The following SAMHD1 variants were observed in gnomAD, a reference collection of about 807,000 sequenced individuals.
The protein encoded by SAMHD1 is deoxynucleoside triphosphate triphosphohydrolase SAMHD1.
SAMHD1 carries 54 observed loss-of-function variants against 79.6 expected under a neutral mutation model. The observed-to-expected ratio is 0.68, with a 90% CI of 0.55 to 0.85. SAMHD1 has a LOEUF of 0.85. Among genes scored for constraint, SAMHD1 ranks in the 40% least tolerant of loss-of-function variants. The pLI is 0.00. For missense variants in SAMHD1, 663 were observed against 782.7 expected (o/e 0.85, Z 1.82); for synonymous variants, 260 against 264.1 (o/e 0.98, Z 0.15).
At chr20:36,930,298 C>A (rs191051207) in intron 5 of SAMHD1, among the ~76,000 whole-genome samples, 30 of 151,968 alleles carry the variant, frequency 2.0e-4, no homozygotes, top group African/African-American at 7.2e-4. Context: ...GAGTTCGAGA[C>A]CAGCCTGGCC....
chr20:36,950,354 AT>A (rs2063725640), intron 1 of SAMHD1, among the ~76,000 whole-genome samples: 1 of 152,032 alleles, frequency 6.6e-6, no homozygotes, highest in South Asian at 2.1e-4. Context: ...GAGAAATGCA[AT>A]TTCCCATACC....
At chr20:36,932,352 C>CA (rs71186091) in intron 4 of SAMHD1, among the ~76,000 whole-genome samples, 3,002 of 33,980 alleles carry the variant, frequency 0.088, 195 homozygotes, top group Non-Finnish European at 0.1. Context: ...ACTCCGTCTC[C>CA]AAAAAAAAAA....
intron 5 of SAMHD1, among the ~76,000 whole-genome samples, chr20:36,930,506 A>T (rs2063562134): frequency 1.3e-5 from 2 of 151,894 alleles, no homozygotes; most frequent in African/African-American, 4.8e-5. Context: ...AAAAAAAAAC[A>T]ACAACAAAAA....
chr20:36,904,371 A>C lies in SAMHD1; in HGVS notation c.1411-122T>G, dbSNP rs1601118750. The stretch of plus-strand genomic sequence containing the variant: ...AAAACGATTAGAGATATCCTTAACA[A>C]ATATAGCTCCTACCAATGTCACTCG... On this transcript the variant is annotated intron_variant, in intron 12 of 15. Transcript: ENST00000646673. 2.3e-5 allele frequency: 17 copies of C among 752,454 alleles called. No individual in the cohort carries two copies. The East Asian group carries it at 4.3e-4, about 19-fold the overall frequency. The allele number at this position is 752,454 out of a possible 1,614,324, so 46.6% of individuals were successfully genotyped here.
intron 13 of SAMHD1, among the ~76,000 whole-genome samples, chr20:36,903,521 G>A (rs984124032): frequency 6.7e-6 from 1 of 149,802 alleles, no homozygotes; most frequent in Non-Finnish European, 1.5e-5. Context: ...TTACAGGCAT[G>A]AGCCACCGTG....
chr20:36,939,931 G>C (rs1004796364), intron 3 of SAMHD1, among the ~76,000 whole-genome samples: 3 of 152,108 alleles, frequency 2.0e-5, no homozygotes, highest in Admixed American at 2.0e-4. Flanking sequence ...CTGGCTGGGC[G>C]CAGTGGCTCA....
At chr20:36,925,907 T>TAC (rs1425454642) in intron 6 of SAMHD1, among the ~76,000 whole-genome samples, 1 of 152,186 alleles carries the variant, frequency 6.6e-6, no homozygotes, top group Non-Finnish European at 1.5e-5. Context: ...AAAACTCTGG[T>TAC]AGTTTCTTAT....
intron 3 of SAMHD1, chr20:36,940,707 A>T (rs1420400222): frequency 5.7e-6 from 2 of 348,136 alleles, no homozygotes; most frequent in Non-Finnish European, 1.1e-5. Flanking sequence ...TCATTAAAAA[A>T]AAAAGAATGT....
chr20:36,906,682 ATT>A (rs1013280614), intron 11 of SAMHD1, among the ~76,000 whole-genome samples: 2 of 151,830 alleles, frequency 1.3e-5, no homozygotes, highest in Non-Finnish European at 2.9e-5. Flanking sequence ...CCTTTCTTTC[ATT>A]TTCTCCCAAT....
At chr20:36,915,154 G>T (rs2063467496) in intron 9 of SAMHD1, among the ~76,000 whole-genome samples, 1 of 152,024 alleles carries the variant, frequency 6.6e-6, no homozygotes, top group Non-Finnish European at 1.5e-5. Context: ...GACCAGCCTG[G>T]GCAACACAGT....
chr20:36,896,196 T>C (rs960593973), intron 15 of SAMHD1, among the ~76,000 whole-genome samples: 1 of 151,780 alleles, frequency 6.6e-6, no homozygotes, highest in Admixed American at 6.6e-5. Flanking sequence ...ATAGTCTTGA[T>C]CTCCTGACCT....
At position 36,941,303 on chromosome 20, in the gene SAMHD1, TG is replaced by T. The variant is rs147853671; in HGVS notation, c.276-193del. On this transcript the variant is annotated intron_variant, in intron 2 of 15. Coordinates refer to ENST00000646673, the MANE Select transcript of SAMHD1 (RefSeq NM_015474.4). ...TTGCTGTTAAGATAGGGAACTCTCC[TG>T]CTGAATCAATATAGGCCTCCCACAG... is the stretch of plus-strand genomic sequence containing the variant. Among the ~76,000 whole-genome samples the T allele has an allele frequency of 9.3e-4, 142 of 152,284 alleles. No individual in the cohort carries two copies. The East Asian group carries it at 0.026, about 28-fold the overall frequency.
chr20:36,944,606 T>C (rs2063672039), intron 2 of SAMHD1, among the ~76,000 whole-genome samples: 1 of 152,274 alleles, frequency 6.6e-6, no homozygotes, highest in Middle Eastern at 3.4e-3. Flanking sequence ...TTTTAAGAAG[T>C]ATTTAAGGCC....
Position 36,930,758 on chromosome 20 carries a change from A to G in SAMHD1, c.625+2T>C. 1 of 1,595,812 alleles carries G rather than the reference A, an allele frequency of 6.3e-7. No homozygotes were observed. The highest frequency in any genetic ancestry group is 8.6e-7 in the Non-Finnish European group (1 of 1,163,482). ...ACAACTTTGTCTCTTTGTACAGCTT[A>G]CCGAGATCATGACAAAGTCCAGCAA... On this transcript the variant is annotated splice_donor_variant, in intron 5 of 15. Transcript: ENST00000646673. LOFTEE classifies it high-confidence loss of function.
intron 13 of SAMHD1, among the ~76,000 whole-genome samples, chr20:36,900,065 A>G (rs375265056): frequency 1.4e-3 from 211 of 149,684 alleles, no homozygotes; most frequent in Middle Eastern, 6.9e-3. Flanking sequence ...CCGTACTCCA[A>G]CCTGGGTGAC....
intron 15 of SAMHD1, among the ~76,000 whole-genome samples, chr20:36,897,309 C>A (rs1189194092): frequency 1.3e-5 from 2 of 152,212 alleles, no homozygotes; most frequent in African/African-American, 4.8e-5. Context: ...AGACACCTAC[C>A]ATGTGTAGGT....
At chr20:36,923,163 G>C (rs1282534288) in intron 6 of SAMHD1, among the ~76,000 whole-genome samples, 2 of 151,752 alleles carry the variant, frequency 1.3e-5, no homozygotes, top group African/African-American at 2.4e-5. Context: ...ACCACACCCA[G>C]CCAATTTTTT....
At position 36,940,741 on chromosome 20, in the gene SAMHD1, C is replaced by A. The variant is rs530312830; in HGVS notation, c.348+298G>T. ...GTACAAAGGAGGTCTTCAATAGTTTCTAATATTTTGCTCTAAAAATAACAG... is the reference window on the plus strand; with the variant it reads ...GTACAAAGGAGGTCTTCAATAGTTTATAATATTTTGCTCTAAAAATAACAG... On this transcript the variant is annotated intron_variant, in intron 3 of 15. Transcript: ENST00000646673. 7.0e-4 allele frequency: 302 copies of A among 433,464 alleles called. 2 individuals are homozygous for A. The highest frequency in any genetic ancestry group is 5.4e-3 in the African/African-American group (269 of 49,806). The allele number at this position is 433,464 out of a possible 1,614,324, so 26.9% of individuals were successfully genotyped here. A position where few individuals can be genotyped will look rare whatever the true frequency, so the allele number is the denominator to read the frequency against.
rs1161774116 is a variant in SAMHD1, at chr20:36,922,717, C to CT, written c.697-3199dup. ...TCTTTTTTTGAGACAAGTTCTCACT[C>CT]TGTTACCTACGTTGGAGTGCAGTAG... On this transcript the variant is annotated intron_variant, in intron 6 of 15. Coordinates refer to ENST00000646673, the MANE Select transcript of SAMHD1 (RefSeq NM_015474.4). Among the ~76,000 whole-genome samples the CT allele has an allele frequency of 3.3e-5, 5 of 152,116 alleles. No individual in the cohort carries two copies. The East Asian group carries it at 9.7e-4, about 29-fold the overall frequency.
Sources: gnomAD v4.1 joint callset for allele counts (sites outside exome capture counted in the v4.1 genomes callset) on GRCh38, gnomAD v4.1.1 for gene constraint, MANE v1.5 for transcripts, NCBI Gene and HGNC (gene_info 2026-07-23, HGNC 2026-07-21) for gene names.